SKP2: variants seen among roughly 807,000 people sequenced by gnomAD.
SKP2 encodes the protein S-phase kinase associated protein 2, also known as S-phase kinase-associated protein 2.
SKP2 carries 16 observed loss-of-function variants against 51.8 expected under a neutral mutation model. That is an observed-to-expected ratio of 0.31 (90% CI 0.21 to 0.47). The LOEUF (loss-of-function observed/expected upper bound fraction) is 0.47, where lower values mean the gene tolerates loss of function less well. Ranked by LOEUF, SKP2 falls within the 20% of genes least tolerant of loss-of-function variation. SKP2 has a pLI of 1.00. For synonymous variants in SKP2, 176 were observed against 198.6 expected (o/e 0.89, Z 0.96); for missense variants, 377 against 505.3 (o/e 0.75, Z 2.43).
At chr5:36,185,333 C>T (rs564502987), downstream of SKP2, among the ~76,000 whole-genome samples, 10 of 152,210 alleles carry the variant, frequency 6.6e-5, no homozygotes, top group South Asian at 2.1e-3. Flanking sequence ...AAGTCCTTGC[C>T]CATGCCTATG....
rs749985490 is a variant in SKP2 at position 36,181,980 on chromosome 5, G to A, written c.1224G>A (p.Glu408=). ...CTATTGGCAACAAAAAGAACCAGGAGATATGGGGCATCAAATGCCGACTGA... is the reference window on the plus strand; with the variant it reads ...CTATTGGCAACAAAAAGAACCAGGAAATATGGGGCATCAAATGCCGACTGA... ...RPTIGNKKNQ[E]IWGIKCRLTL... Residue 408 remains glutamate (E), a synonymous_variant, in exon 10 of 10, where the codon GAG becomes GAA. Coordinates refer to ENST00000274255, the MANE Select transcript of SKP2 (RefSeq NM_005983.4). The A allele has an allele frequency of 6.8e-6, 11 of 1,614,144 alleles. No homozygotes were observed. The highest frequency in any genetic ancestry group is 4.0e-5 in the African/African-American group (3 of 75,042).
intron 7 of SKP2, among the ~76,000 whole-genome samples, chr5:36,175,948 T>A (rs1745619186): frequency 6.7e-6 from 1 of 148,762 alleles, no homozygotes; most frequent in Non-Finnish European, 1.5e-5. Flanking sequence ...CTGAATTCTT[T>A]AAAAAAAAAA....
chr5:36,169,141 C>T (rs1242289978), intron 5 of SKP2, among the ~76,000 whole-genome samples: 2 of 152,128 alleles, frequency 1.3e-5, no homozygotes, highest in Admixed American at 6.5e-5. Context: ...GGACTGGACT[C>T]TTCCATTAAG....
At chr5:36,193,167 T>A (rs142537080) in intron 7 of SKP2, 1 of 152,244 alleles carries the variant, frequency 6.6e-6, no homozygotes, top group East Asian at 1.9e-4. Flanking sequence ...AGGATGGAGT[T>A]GGCATTTTTC....
Position 36,184,000 on chromosome 5 carries a change from T to G in SKP2, c.*1969T>G. The G allele has an allele frequency of 6.4e-7, 1 of 1,551,170 alleles. No homozygotes were observed. The highest frequency in any genetic ancestry group is 8.8e-7 in the Non-Finnish European group (1 of 1,132,034). On this transcript the variant is annotated 3_prime_UTR_variant, in exon 10 of 10. Transcript: ENST00000274255. ...TGATTTCTACTTTTATAGACTTGTT[T>G]TAAAACAATAAAACACATTTTTATA... is the stretch of plus-strand genomic sequence containing the variant.
At chr5:36,161,292 TAAAAAAAA>T (rs5867306) in intron 2 of SKP2, among the ~76,000 whole-genome samples, 1 of 140,856 alleles carries the variant, frequency 7.1e-6, no homozygotes, top group Non-Finnish European at 1.5e-5. Context: ...CAAAAATTGT[TAAAAAAAA>T]AAAAAAAAGC....
At chr5:36,170,543 T>C in intron 6 of SKP2, 101 bp downstream of exon 6, 1 of 670,034 alleles carries the variant, frequency 1.5e-6, no homozygotes, top group Non-Finnish European at 2.5e-6. Flanking sequence ...CTTTTTGTAC[T>C]TTCCAGGCTC....
In SKP2 at chr5:36,171,669, G is replaced by C. The variant is rs371017309; in HGVS notation, c.837G>C (p.Ala279=). 2 of 1,613,488 alleles carry C rather than the reference G, an allele frequency of 1.2e-6. No homozygotes were observed. The highest frequency in any genetic ancestry group is 3.3e-5 in the Admixed American group (2 of 59,994). The change falls in exon 7 of 10, where the codon GCG becomes GCC. Residue 279 remains alanine (A), a synonymous_variant. Coordinates refer to ENST00000274255, the MANE Select transcript of SKP2 (RefSeq NM_005983.4). The stretch of plus-strand genomic sequence containing the variant: ...AAAAGCATGTACAGGTGGCTGTTGC[G>C]CATGTGTCAGAGACCATCACCCAGC... ...FTEKHVQVAV[A]HVSETITQLN...
chr5:36,176,824 A>AT (rs571160568), intron 7 of SKP2, 141 bp from the exon 8 acceptor site: 3 of 514,060 alleles, frequency 5.8e-6, no homozygotes, highest in African/African-American at 4.0e-5. Flanking sequence ...CAAGATGATC[A>AT]TTTTTTCTTT....
At chr5:36,166,491 G>C in intron 3 of SKP2, 28 bp from the exon 4 acceptor site, 1 of 1,611,340 alleles carries the variant, frequency 6.2e-7, no homozygotes, top group Non-Finnish European at 8.5e-7. Flanking sequence ...TGACCGACTG[G>C]CCAAATTAAG....
At chr5:36,186,618 C>A (rs1330948672), downstream of SKP2, among the ~76,000 whole-genome samples, 1 of 152,086 alleles carries the variant, frequency 6.6e-6, no homozygotes, top group African/African-American at 2.4e-5. Flanking sequence ...GGTGGATAAG[C>A]TTTTTGATAT....
downstream of SKP2, among the ~76,000 whole-genome samples, chr5:36,189,284 G>C (rs1307224549): frequency 6.6e-6 from 1 of 152,188 alleles, no homozygotes; most frequent in Non-Finnish European, 1.5e-5. Flanking sequence ...TGTTCCTTTG[G>C]AGGGGGAGAG....
intron 9 of SKP2, among the ~76,000 whole-genome samples, chr5:36,180,824 T>G (rs766464993): frequency 1.8e-4 from 28 of 152,328 alleles, no homozygotes; most frequent in Admixed American, 3.9e-4. Context: ...TAAAGGATGT[T>G]TCTGACTTTA....
intron 7 of SKP2, 31 bp downstream of exon 7, chr5:36,171,764 C>G (rs757124859): frequency 5.6e-6 from 9 of 1,606,698 alleles, no homozygotes; most frequent in African/African-American, 1.3e-5. Flanking sequence ...ACCACTGAGG[C>G]CTTCACAACA....
downstream of SKP2, among the ~76,000 whole-genome samples, chr5:36,188,984 A>G (rs1485704126): frequency 1.3e-5 from 2 of 152,002 alleles, no homozygotes; most frequent in African/African-American, 2.4e-5. Context: ...TTTATCTTCA[A>G]TCACTGATAC....
chr5:36,157,150 A>G (rs1176003577), intron 2 of SKP2, among the ~76,000 whole-genome samples: 2 of 58,138 alleles, frequency 3.4e-5, no homozygotes, highest in Admixed American at 1.4e-4. Flanking sequence ...AAGAGCCTTT[A>G]TGGGATCTTC....
At chr5:36,189,989 G>C (rs940332024) in intron 6 of SKP2, among the ~76,000 whole-genome samples, 1 of 152,176 alleles carries the variant, frequency 6.6e-6, no homozygotes, top group Non-Finnish European at 1.5e-5. Context: ...AGCAGTGAGC[G>C]AGGCTCCATG....
chr5:36,170,351 G>A lies in SKP2; in HGVS notation c.679G>A (p.Ala227Thr), dbSNP rs372352251. Reference protein sequence around the residue: ...RLSDPIVNTLAKNSNLVRLNL... With the variant: ...RLSDPIVNTLTKNSNLVRLNL... The stretch of plus-strand genomic sequence containing the variant: ...GTTTTTCTCTTTTTCCAGTACTCTC[G>A]CAAAAAACTCAAATTTAGTGCGACT... Residue 227 changes from alanine to threonine, a missense_variant, in exon 6 of 10, where the codon GCA (alanine) becomes ACA (threonine). Physicochemically the swap from Ala to Thr is moderately conservative, Grantham distance 58 (BLOSUM62 0). Coordinates refer to ENST00000274255, the MANE Select transcript of SKP2 (RefSeq NM_005983.4). 17 of 1,605,970 alleles carry A rather than the reference G, an allele frequency of 1.1e-5. No individual in the cohort carries two copies. Among genetic ancestry groups the A allele is most frequent in the African/African-American group, 2.7e-5 (2 of 74,600 alleles).
chr5:36,166,692 A>G lies in SKP2; in HGVS notation c.536+30A>G, dbSNP rs76937073. 2.0e-5 allele frequency: 30 copies of G among 1,517,240 alleles called. No homozygotes were observed. In the East Asian group the frequency reaches 6.8e-4, roughly 35 times the overall value. 94.0% of individuals were successfully genotyped at this position (1,517,240 alleles called of 1,614,324 possible). A position where few individuals can be genotyped will look rare whatever the true frequency, so the allele number is the denominator to read the frequency against. ...AGATGAAAAATCCCTGGAAAAGACTATTTCTAAATTTCGAGGTAGAAACAG... is the reference window on the plus strand; with the variant it reads ...AGATGAAAAATCCCTGGAAAAGACTGTTTCTAAATTTCGAGGTAGAAACAG... On this transcript the variant is annotated intron_variant, in intron 4 of 9. Coordinates refer to ENST00000274255, the MANE Select transcript of SKP2 (RefSeq NM_005983.4).
Sources: allele counts gnomAD v4.1 joint callset (sites outside exome capture counted in the v4.1 genomes callset), GRCh38; gene constraint gnomAD v4.1.1; transcripts MANE v1.5; gene names NCBI Gene and HGNC (gene_info 2026-07-23, HGNC 2026-07-21).